The following CALN1 variants were observed in gnomAD, a reference collection of about 807,000 sequenced individuals.
The protein encoded by CALN1 is calcium-binding protein 8.
CALN1 carries 17 observed loss-of-function variants against 30.6 expected under a neutral mutation model. The observed-to-expected ratio is 0.56, with a 90% CI of 0.38 to 0.83. The LOEUF is 0.83. Ranked by LOEUF, CALN1 falls within the 40% of genes least tolerant of loss-of-function variation. The probability of loss-of-function intolerance (pLI) is 0.00; values close to 1 mark genes in which losing one functional copy is unlikely to be tolerated. For synonymous variants in CALN1, 156 were observed against 131.4 expected (o/e 1.19, Z -1.28); for missense variants, 291 against 354.9 (o/e 0.82, Z 1.45).
intron 2 of CALN1, among the ~76,000 whole-genome samples, chr7:72,332,574 T>C (rs1801748101): frequency 6.6e-6 from 1 of 152,048 alleles, no homozygotes; most frequent in Non-Finnish European, 1.5e-5. Flanking sequence ...TTGGTGATCA[T>C]TTACTTCCAT....
chr7:72,405,502 A>G (rs1171120701), intron 1 of CALN1, among the ~76,000 whole-genome samples: 1 of 152,018 alleles, frequency 6.6e-6, no homozygotes, highest in Non-Finnish European at 1.5e-5. Context: ...CCACACCCAC[A>G]TGGCTCCCAC....
chr7:72,410,779 G>T (rs1047842599), intron 1 of CALN1, among the ~76,000 whole-genome samples: 1 of 151,850 alleles, frequency 6.6e-6, no homozygotes, highest in East Asian at 1.9e-4. Context: ...ACACACCTCC[G>T]TATCAGCTCA....
intron 5 of CALN1, among the ~76,000 whole-genome samples, chr7:71,973,913 TA>T (rs1797973457): frequency 6.6e-6 from 1 of 152,206 alleles, no homozygotes; most frequent in Non-Finnish European, 1.5e-5. Flanking sequence ...AAATACTTTT[TA>T]AAAGTAGCAG....
intron 2 of CALN1, among the ~76,000 whole-genome samples, chr7:72,360,711 T>C (rs1585578590): frequency 6.7e-6 from 1 of 149,672 alleles, no homozygotes; most frequent in Admixed American, 6.6e-5. Flanking sequence ...CTGCACGTTG[T>C]GCACGTGTAC....
Position 72,401,397 on chromosome 7 carries a change from T to C in CALN1, c.119+1854A>G, listed in dbSNP as rs559168109. 5.3e-5 allele frequency among the ~76,000 whole-genome samples: 8 copies of C among 152,014 alleles called. No individual in the cohort carries two copies. The South Asian group carries it at 1.5e-3, about 28-fold the overall frequency. ...ATCCCCTGCTTTTTGGCTTTCTCTC[T>C]CTCAGCCCACTGCACAAAGAAAATC... is the stretch of plus-strand genomic sequence containing the variant. On this transcript the variant is annotated intron_variant, in intron 2 of 6. Coordinates refer to ENST00000395275, the MANE Select transcript of CALN1 (RefSeq NM_031468.4).
intron 2 of CALN1, among the ~76,000 whole-genome samples, chr7:72,382,322 G>A (rs992785727): frequency 1.3e-5 from 2 of 152,156 alleles, no homozygotes; most frequent in African/African-American, 2.4e-5. Flanking sequence ...AATGACAGCC[G>A]TCAGGCAAGA....
chr7:72,169,490 T>A (rs866745394), intron 3 of CALN1, among the ~76,000 whole-genome samples: 8 of 89,360 alleles, frequency 9.0e-5, no homozygotes, highest in Admixed American at 2.4e-4. Flanking sequence ...CAGCTGATTA[T>A]TTTTTTTTTT....
At chr7:72,475,855 C>A in the CALN1 span, among the ~76,000 whole-genome samples, 1 of 151,050 alleles carries the variant, frequency 6.6e-6, no homozygotes, top group South Asian at 2.1e-4. Context: ...GTGCTGTTCT[C>A]GTGCTAATGA....
intron 2 of CALN1, among the ~76,000 whole-genome samples, chr7:72,400,406 G>A (rs555711588): frequency 6.6e-6 from 1 of 152,280 alleles, no homozygotes; most frequent in South Asian, 2.1e-4. Flanking sequence ...AAACCCAAGA[G>A]ACTTAGCTTT....
At chr7:72,359,265 C>A (rs994822384) in intron 2 of CALN1, among the ~76,000 whole-genome samples, 1 of 152,180 alleles carries the variant, frequency 6.6e-6, no homozygotes, top group African/African-American at 2.4e-5. Context: ...GTTCTCAATC[C>A]ATTTCTGAGT....
chr7:71,977,932 TAAA>T (rs59155068), intron 5 of CALN1, among the ~76,000 whole-genome samples: 20 of 118,688 alleles, frequency 1.7e-4, no homozygotes, highest in Non-Finnish European at 2.1e-4. Context: ...ACTCTGTCTT[TAAA>T]AAAAAAAAAA....
intron 5 of CALN1, among the ~76,000 whole-genome samples, chr7:71,871,162 A>C (rs1425694189): frequency 6.6e-6 from 1 of 152,216 alleles, no homozygotes; most frequent in Non-Finnish European, 1.5e-5. Flanking sequence ...GTTGAAATGT[A>C]AATATTGTAG....
intron 5 of CALN1, among the ~76,000 whole-genome samples, chr7:71,918,408 T>C (rs1342837334): frequency 6.6e-6 from 1 of 152,210 alleles, no homozygotes; most frequent in Non-Finnish European, 1.5e-5. Context: ...TGCTAACAGC[T>C]CTGGGCCTCA....
chr7:71,780,627 T>C lies in CALN1; in HGVS notation c.*7148A>G, dbSNP rs981465165. The C allele has an allele frequency of 3.3e-5, 5 of 152,128 alleles. No homozygotes were observed. The highest frequency in any genetic ancestry group is 1.2e-4 in the African/African-American group (5 of 41,500). The allele number at this position is 152,128 out of a possible 1,614,324, so 9.4% of individuals were successfully genotyped here. A position where few individuals can be genotyped will look rare whatever the true frequency, so the allele number is the denominator to read the frequency against. On this transcript the variant is annotated 3_prime_UTR_variant, in exon 7 of 7. Coordinates refer to ENST00000395275, the MANE Select transcript of CALN1 (RefSeq NM_031468.4). Reference sequence around the variant, plus strand: ...CAATCACCAAAGATCACGACTCTCTTCTTTCTGGGGTATTAGGAATAATTA... The same window carrying C: ...CAATCACCAAAGATCACGACTCTCTCCTTTCTGGGGTATTAGGAATAATTA...
intron 2 of CALN1, among the ~76,000 whole-genome samples, chr7:72,325,038 C>T (rs1409450581): frequency 1.3e-5 from 2 of 152,150 alleles, no homozygotes; most frequent in East Asian, 3.9e-4. Context: ...CTGGCTCCTA[C>T]CTCTAATCCC....
chr7:72,314,431 AT>A (rs1167427203), intron 2 of CALN1, among the ~76,000 whole-genome samples: 247 of 146,594 alleles, frequency 1.7e-3, no homozygotes, highest in Middle Eastern at 7.4e-3. Flanking sequence ...ACATACATAG[AT>A]TTTTTTTTTT....
intron 2 of CALN1, among the ~76,000 whole-genome samples, chr7:72,369,177 A>C (rs954131064): frequency 6.6e-6 from 1 of 151,756 alleles, no homozygotes; most frequent in African/African-American, 2.4e-5. Flanking sequence ...GGTTCATGTA[A>C]AGTGTACAAT....
In CALN1 at chr7:72,419,521, G is replaced by A. The variant is rs577495308; in HGVS notation, c.-225-7246C>T. Among the ~76,000 whole-genome samples the A allele has an allele frequency of 1.3e-3, 198 of 152,118 alleles. 4 individuals are homozygous for A. In the South Asian group the frequency reaches 0.04, roughly 30 times the overall value. Reference sequence around the variant, plus strand: ...TCTTGGCTTTGACTGCATGAATACGGGTGTCCCAGAAACCCCACTTCTCCC... The same window carrying A: ...TCTTGGCTTTGACTGCATGAATACGAGTGTCCCAGAAACCCCACTTCTCCC... On this transcript the variant is annotated intron_variant, in intron 1 of 6. Transcript: ENST00000395276.
At chr7:72,370,685 T>TA (rs1450053449) in intron 2 of CALN1, among the ~76,000 whole-genome samples, 2 of 151,340 alleles carry the variant, frequency 1.3e-5, no homozygotes, top group African/African-American at 4.9e-5. Flanking sequence ...AAAATTAATA[T>TA]AGGCAATTGA....
Sources: gnomAD v4.1 joint callset for allele counts (sites outside exome capture counted in the v4.1 genomes callset) on GRCh38, gnomAD v4.1.1 for gene constraint, MANE v1.5 for transcripts, NCBI Gene and HGNC (gene_info 2026-07-23, HGNC 2026-07-21) for gene names.